Variants in MTUS2 observed in about 807,000 individuals in gnomAD.
MTUS2 encodes the protein microtubule-associated tumor suppressor candidate 2.
A neutral mutation model predicts 114.1 loss-of-function variants in MTUS2; 40 were observed. The observed-to-expected ratio is 0.35, with a 90% CI of 0.27 to 0.46. The LOEUF (loss-of-function observed/expected upper bound fraction) is 0.46. MTUS2 is among the 20% of genes least tolerant of loss of function. MTUS2 has a pLI of 1.00. For missense variants in MTUS2, 1,679 were observed against 1,705.4 expected (o/e 0.98, Z 0.27); for synonymous variants, 688 against 672.0 (o/e 1.02, Z -0.37).
Position 29,023,146 on chromosome 13 carries a change from T to G in MTUS2, c.-242-1311T>G, listed in dbSNP as rs138165142. Among the ~76,000 whole-genome samples the G allele has an allele frequency of 3.6e-3, 551 of 152,264 alleles. 1 individual carries two copies. Among genetic ancestry groups the G allele is most frequent in the African/African-American group, 0.012 (495 of 41,558 alleles). ...CTTGTAAGATGAGGTTGGGGGAGGA[T>G]TCCACATTCCATGCAGATGGAAGAG... On this transcript the variant is annotated intron_variant, in intron 2 of 15. Coordinates refer to ENST00000612955, the MANE Select transcript of MTUS2 (RefSeq NM_001033602.4).
intron 5 of MTUS2, among the ~76,000 whole-genome samples, chr13:29,147,622 A>AT (rs1355160233): frequency 6.6e-6 from 1 of 151,694 alleles, no homozygotes; most frequent in East Asian, 1.9e-4. Flanking sequence ...CTAGCAGTCT[A>AT]TTTTTTTCAT....
At chr13:28,855,752 T>C (rs1289851762) in intron 2 of MTUS2, among the ~76,000 whole-genome samples, 1 of 152,184 alleles carries the variant, frequency 6.6e-6, no homozygotes, top group Non-Finnish European at 1.5e-5. Context: ...CATGTATCTT[T>C]GTAATAGAAT....
At chr13:29,168,927 G>C (rs1302749961) in intron 5 of MTUS2, among the ~76,000 whole-genome samples, 1 of 15,924 alleles carries the variant, frequency 6.3e-5, no homozygotes, top group Admixed American at 6.2e-4. Context: ...TGAAGAATAT[G>C]TTATAATGCC....
chr13:29,249,368 C>G (rs545947536), intron 5 of MTUS2, among the ~76,000 whole-genome samples: 11 of 152,260 alleles, frequency 7.2e-5, no homozygotes, highest in Admixed American at 7.2e-4. Context: ...GGTTCTAAAT[C>G]CTTGAGGAAT....
At chr13:29,214,407 C>G (rs1895593000) in intron 5 of MTUS2, among the ~76,000 whole-genome samples, 1 of 152,084 alleles carries the variant, frequency 6.6e-6, no homozygotes, top group Non-Finnish European at 1.5e-5. Context: ...CATCATGATG[C>G]TAGTTGGTTA....
chr13:29,348,378 C>T (rs1305765476), intron 7 of MTUS2, among the ~76,000 whole-genome samples: 2 of 134,828 alleles, frequency 1.5e-5, no homozygotes, highest in African/African-American at 5.0e-5. Context: ...TTTAGGAGCT[C>T]TGTGTCAGAA....
At chr13:28,889,860 G>A (rs2137907771) in intron 2 of MTUS2, among the ~76,000 whole-genome samples, 1 of 152,196 alleles carries the variant, frequency 6.6e-6, no homozygotes. Context: ...GTGGAGTTTG[G>A]GCATGAGAGG....
chr13:29,314,983 T>C (rs868136128), intron 6 of MTUS2, among the ~76,000 whole-genome samples: 2 of 152,192 alleles, frequency 1.3e-5, no homozygotes, highest in Non-Finnish European at 2.9e-5. Flanking sequence ...TGGAATACCA[T>C]TCATCCATTA....
chr13:29,204,362 T>A (rs958211318), intron 5 of MTUS2, among the ~76,000 whole-genome samples: 4 of 152,214 alleles, frequency 2.6e-5, no homozygotes, highest in African/African-American at 7.2e-5. Flanking sequence ...AGGCTGCGGA[T>A]GGGCCGGGGT....
intron 5 of MTUS2, among the ~76,000 whole-genome samples, chr13:29,269,912 A>G (rs1210363713): frequency 1.3e-5 from 2 of 152,312 alleles, no homozygotes; most frequent in Non-Finnish European, 1.5e-5. Context: ...GACAACATAG[A>G]TGAATTTTGA....
chr13:28,922,464 G>C (rs1881096141), intron 2 of MTUS2, among the ~76,000 whole-genome samples: 2 of 152,164 alleles, frequency 1.3e-5, no homozygotes, highest in Admixed American at 6.5e-5. Flanking sequence ...AGCCACTTTA[G>C]CCTGCACTGT....
At chr13:29,441,893 AT>A (rs199599857) in intron 9 of MTUS2, among the ~76,000 whole-genome samples, 3 of 151,986 alleles carry the variant, frequency 2.0e-5, no homozygotes, top group Admixed American at 2.0e-4. Flanking sequence ...ATCAAAAAGG[AT>A]TTTTTTTAAT....
chr13:28,938,815 A>G (rs1350429833), intron 2 of MTUS2, among the ~76,000 whole-genome samples: 1 of 152,144 alleles, frequency 6.6e-6, no homozygotes, highest in East Asian at 1.9e-4. Flanking sequence ...GAGACTTTAA[A>G]TTTAAGACAT....
At chr13:29,490,175 A>G (rs1881960154) in intron 11 of MTUS2, 2 of 152,362 alleles carry the variant, frequency 1.3e-5, no homozygotes, top group South Asian at 2.1e-4. Flanking sequence ...GAAAGGCCAT[A>G]TGGTTCTCTA....
chr13:29,174,087 A>G (rs1333723207), intron 5 of MTUS2, among the ~76,000 whole-genome samples: 1 of 152,142 alleles, frequency 6.6e-6, no homozygotes, highest in African/African-American at 2.4e-5. Flanking sequence ...AAACACACCT[A>G]TAAGTTAACA....
intron 4 of MTUS2, among the ~76,000 whole-genome samples, chr13:29,074,026 C>T (rs1889068804): frequency 6.6e-6 from 1 of 152,152 alleles, no homozygotes; most frequent in South Asian, 2.1e-4. Context: ...CAGGATTTCT[C>T]TCTTTATTGG....
At chr13:28,926,321 G>A (rs529794557) in intron 2 of MTUS2, among the ~76,000 whole-genome samples, 7 of 152,134 alleles carry the variant, frequency 4.6e-5, no homozygotes, top group South Asian at 4.1e-4. Context: ...AAATTAAAGC[G>A]CTGACAAATT....
intron 2 of MTUS2, among the ~76,000 whole-genome samples, chr13:28,878,556 C>T (rs1189271300): frequency 6.6e-6 from 1 of 152,162 alleles, no homozygotes; most frequent in Non-Finnish European, 1.5e-5. Flanking sequence ...CCTTGTTCAG[C>T]TCTCACTTAC....
chr13:29,257,518 C>T (rs1010186679), intron 5 of MTUS2, among the ~76,000 whole-genome samples: 19 of 152,186 alleles, frequency 1.2e-4, no homozygotes, highest in African/African-American at 4.1e-4. Context: ...ACAGCATGAT[C>T]AACAATCCAG....
Sources: allele counts gnomAD v4.1 joint callset (sites outside exome capture counted in the v4.1 genomes callset), GRCh38; gene constraint gnomAD v4.1.1; transcripts MANE v1.5; gene names NCBI Gene and HGNC (gene_info 2026-07-23, HGNC 2026-07-21).